COMMD1: variants seen among roughly 807,000 people sequenced by gnomAD.
COMMD1 encodes copper metabolism domain containing 1.
COMMD1 carries 10 observed loss-of-function variants against 17.2 expected under a neutral mutation model. The observed-to-expected ratio is 0.58, with a 90% confidence interval of 0.36 to 0.99. The LOEUF is 0.99. COMMD1 is among the 50% of genes least tolerant of loss of function. The pLI, the probability that COMMD1 is intolerant of heterozygous loss-of-function variation, is 0.01. For synonymous variants in COMMD1, 97 were observed against 91.6 expected (o/e 1.06, Z -0.34); for missense variants, 270 against 231.8 (o/e 1.17, Z -1.07).
chr2:62,054,156 C>T (rs1670621966), intron 2 of COMMD1, among the ~76,000 whole-genome samples: 2 of 152,208 alleles, frequency 1.3e-5, no homozygotes, highest in Non-Finnish European at 2.9e-5. Flanking sequence ...AATGAGATAT[C>T]ATCTTACCCC....
intron 2 of COMMD1, among the ~76,000 whole-genome samples, chr2:62,018,407 T>C (rs1404841436): frequency 6.6e-6 from 1 of 152,230 alleles, no homozygotes; most frequent in Non-Finnish European, 1.5e-5. Context: ...CCAGATTTTA[T>C]TTCTATTTCA....
At chr2:62,054,613 A>G (rs1056495478) in intron 2 of COMMD1, among the ~76,000 whole-genome samples, 2 of 152,200 alleles carry the variant, frequency 1.3e-5, no homozygotes, top group African/African-American at 2.4e-5. Context: ...ACAGAAAGAC[A>G]AGTAGCACAT....
intron 2 of COMMD1, among the ~76,000 whole-genome samples, chr2:62,066,623 C>T (rs945873434): frequency 6.6e-6 from 1 of 150,534 alleles, no homozygotes. Context: ...GGATGGTCTC[C>T]ATCTCCTGAC....
At chr2:61,929,411 A>G (rs1572971992) in intron 1 of COMMD1, among the ~76,000 whole-genome samples, 2 of 152,202 alleles carry the variant, frequency 1.3e-5, no homozygotes, top group African/African-American at 4.8e-5. Flanking sequence ...TATACCTAGA[A>G]GAAAGGAACA....
chr2:61,969,605 G>T (rs1179183568), intron 1 of COMMD1, among the ~76,000 whole-genome samples: 1 of 152,186 alleles, frequency 6.6e-6, no homozygotes, highest in Non-Finnish European at 1.5e-5. Flanking sequence ...ACTGTTGTTA[G>T]TTCTTGGTAG....
At chr2:62,121,371 C>CAAAAAAAAAAAAAAAAA (rs55789110) in intron 2 of COMMD1, among the ~76,000 whole-genome samples, 5 of 47,204 alleles carry the variant, frequency 1.1e-4, no homozygotes, top group African/African-American at 2.8e-4. Flanking sequence ...GACTCTTTCT[C>CAAAAAAAAAAAAAAAAA]AAAAAAAAAA....
At chr2:62,048,361 A>G (rs1016163848) in intron 2 of COMMD1, among the ~76,000 whole-genome samples, 2 of 150,488 alleles carry the variant, frequency 1.3e-5, no homozygotes, top group Non-Finnish European at 3.0e-5. Flanking sequence ...ATTTTTTTGT[A>G]TTTTTTTTAG....
chr2:61,906,063 C>CT (rs2105170373), intron 1 of COMMD1, among the ~76,000 whole-genome samples: 1 of 152,358 alleles, frequency 6.6e-6, no homozygotes, highest in South Asian at 2.1e-4. Context: ...ACTTTTTCTG[C>CT]TGAAGTTCCC....
intron 1 of COMMD1, among the ~76,000 whole-genome samples, chr2:61,899,514 CTGTA>C (rs1669615767): frequency 6.6e-6 from 1 of 152,018 alleles, no homozygotes; most frequent in Admixed American, 6.6e-5. Flanking sequence ...TTAAATAAGT[CTGTA>C]TGTCTTTCTC....
chr2:62,025,812 C>T (rs1056023005), intron 2 of COMMD1, among the ~76,000 whole-genome samples: 1 of 152,106 alleles, frequency 6.6e-6, no homozygotes, highest in Non-Finnish European at 1.5e-5. Context: ...CCTCAGCCTT[C>T]TGAGTAGCTG....
At chr2:61,963,369 T>G (rs972142867) in intron 1 of COMMD1, among the ~76,000 whole-genome samples, 2 of 152,006 alleles carry the variant, frequency 1.3e-5, no homozygotes, top group African/African-American at 2.4e-5. Flanking sequence ...TTTGTTTTGT[T>G]TTTTTGAGAT....
chr2:62,079,644 G>C (rs1033171911), intron 2 of COMMD1: 1 of 152,216 alleles, frequency 6.6e-6, no homozygotes, highest in African/African-American at 2.4e-5. Context: ...TTGGAGAGGT[G>C]TTAGAAGTTT....
At chr2:61,929,202 A>C (rs1007001482) in intron 1 of COMMD1, among the ~76,000 whole-genome samples, 5 of 152,204 alleles carry the variant, frequency 3.3e-5, no homozygotes, top group Non-Finnish European at 7.3e-5. Flanking sequence ...AGTCCTAAAG[A>C]ATGTCTAGTG....
chr2:62,063,868 A>AATATATATATATATATATAT (rs55740628), intron 2 of COMMD1, among the ~76,000 whole-genome samples: 1,243 of 80,974 alleles, frequency 0.015, 60 homozygotes, highest in Non-Finnish European at 0.019. Flanking sequence ...GTCTCTACAA[A>AATATATATATATATATATAT]ATATATATAT....
At chr2:62,101,883 T>G (rs1672191043) in intron 2 of COMMD1, among the ~76,000 whole-genome samples, 1 of 152,214 alleles carries the variant, frequency 6.6e-6, no homozygotes, top group Admixed American at 6.5e-5. Flanking sequence ...GTCTGTCTCA[T>G]GTAGGCACCA....
At chr2:61,891,392 GTGTTAA>G (rs1199556062) in intron 1 of COMMD1, among the ~76,000 whole-genome samples, 1 of 152,166 alleles carries the variant, frequency 6.6e-6, no homozygotes, top group Non-Finnish European at 1.5e-5. Context: ...TTTCATCAGA[GTGTTAA>G]TGTACATTAT....
At chr2:62,079,382 A>C (rs980254679) in intron 2 of COMMD1, among the ~76,000 whole-genome samples, 4 of 152,216 alleles carry the variant, frequency 2.6e-5, no homozygotes, top group African/African-American at 4.8e-5. Context: ...AAGAATCAAT[A>C]TTATTATCTT....
intron 2 of COMMD1, among the ~76,000 whole-genome samples, chr2:62,086,232 G>T (rs1387295120): frequency 6.6e-6 from 1 of 151,920 alleles, no homozygotes; most frequent in Non-Finnish European, 1.5e-5. Flanking sequence ...TTCTGTGGCC[G>T]GGCGCGGTGG....
chr2:61,903,393 G>A (rs1255995497), upstream of COMMD1, among the ~76,000 whole-genome samples: 2 of 150,656 alleles, frequency 1.3e-5, no homozygotes, highest in South Asian at 2.1e-4. Context: ...GCAGTGAACC[G>A]AGATTGTGCC....
Sources: gnomAD v4.1 joint callset for allele counts (sites outside exome capture counted in the v4.1 genomes callset) on GRCh38, gnomAD v4.1.1 for gene constraint, MANE v1.5 for transcripts, NCBI Gene and HGNC (gene_info 2026-07-23, HGNC 2026-07-21) for gene names.